The following OSBPL3 variants were observed in gnomAD, a reference collection of about 807,000 sequenced individuals.
The protein encoded by OSBPL3 is oxysterol binding protein like 3.
OSBPL3 carries 65 observed loss-of-function variants against 120.1 expected under a neutral mutation model. That is an observed-to-expected ratio of 0.54 (90% confidence interval 0.44 to 0.67). The LOEUF (loss-of-function observed/expected upper bound fraction) is 0.67. OSBPL3 is among the 30% of genes least tolerant of loss of function. OSBPL3 has a pLI of 0.00. For synonymous variants in OSBPL3, 416 were observed against 402.6 expected (o/e 1.03, Z -0.40); for missense variants, 1,004 against 1,082.1 (o/e 0.93, Z 1.01).
chr7:24,941,099 G>A lies in OSBPL3; in HGVS notation c.-150+38787C>T, dbSNP rs548748871. Among the ~76,000 whole-genome samples, 6 of 152,314 alleles carry A rather than the reference G, an allele frequency of 3.9e-5. No individual in the cohort carries two copies. The East Asian group carries it at 5.8e-4, about 15-fold the overall frequency. On this transcript the variant is annotated intron_variant, in intron 1 of 22. Coordinates refer to ENST00000313367, the MANE Select transcript of OSBPL3 (RefSeq NM_015550.4). Reference sequence around the variant, plus strand: ...CTCCCAAAGTGCTGGGATTACAGGCGTGAGCCACCGCACCCGGCCAACATT... The same window carrying A: ...CTCCCAAAGTGCTGGGATTACAGGCATGAGCCACCGCACCCGGCCAACATT...
At chr7:24,903,548 C>T (rs1807380664) in intron 1 of OSBPL3, among the ~76,000 whole-genome samples, 1 of 152,244 alleles carries the variant, frequency 6.6e-6, no homozygotes, top group Non-Finnish European at 1.5e-5. Flanking sequence ...ATGCTATTGA[C>T]TCAGATCTTG....
chr7:24,943,591 G>A (rs1464312224), intron 1 of OSBPL3, among the ~76,000 whole-genome samples: 1 of 152,112 alleles, frequency 6.6e-6, no homozygotes, highest in African/African-American at 2.4e-5. Flanking sequence ...TAAGATCAGA[G>A]TTAACACTAT....
intron 19 of OSBPL3, among the ~76,000 whole-genome samples, chr7:24,810,961 C>T (rs936255493): frequency 1.3e-5 from 2 of 152,194 alleles, no homozygotes; most frequent in Non-Finnish European, 1.5e-5. Flanking sequence ...CCTATCTTGG[C>T]CATTATGAAT....
Position 24,935,372 on chromosome 7 carries a change from A to AT in OSBPL3, c.-149-42752dup, listed in dbSNP as rs779446909. On this transcript the variant is annotated intron_variant, in intron 1 of 22. Coordinates refer to ENST00000313367, the MANE Select transcript of OSBPL3 (RefSeq NM_015550.4). ...ACAGAACTTACTCAGAAACTCACCA[A>AT]TTTTTACATGTACTCACTTTGTGTG... Among the ~76,000 whole-genome samples, 183 of 152,194 alleles carry AT rather than the reference A, an allele frequency of 1.2e-3. 1 individual carries two copies. The highest frequency in any genetic ancestry group is 1.9e-3 in the Non-Finnish European group (127 of 67,984).
rs1349876225 is a variant in OSBPL3 at position 24,959,818 on chromosome 7, G to A, written c.-150+20068C>T. Reference sequence around the variant, plus strand: ...TATCGGCCACTTGTAAAACCCAGCTGACCTGGACTGGTTTGACCAAAGAGC... The same window carrying A: ...TATCGGCCACTTGTAAAACCCAGCTAACCTGGACTGGTTTGACCAAAGAGC... On this transcript the variant is annotated intron_variant, in intron 1 of 22. Coordinates refer to ENST00000313367, the MANE Select transcript of OSBPL3 (RefSeq NM_015550.4). This position sits in a 1 kb window ranked among gnomAD's most constrained non-coding sequence, Gnocchi z 4.3. Among the ~76,000 whole-genome samples the A allele has an allele frequency of 6.6e-6, 1 of 152,134 alleles. No individual in the cohort carries two copies. The highest frequency in any genetic ancestry group is 1.9e-4 in the East Asian group (1 of 5,198).
intron 2 of OSBPL3, among the ~76,000 whole-genome samples, chr7:24,887,176 C>T (rs1804647618): frequency 6.6e-6 from 1 of 152,044 alleles, no homozygotes; most frequent in Non-Finnish European, 1.5e-5. Context: ...GGAGCCAAAA[C>T]CTGGGATGAG....
intron 1 of OSBPL3, among the ~76,000 whole-genome samples, chr7:24,945,394 G>A (rs1166879593): frequency 6.6e-6 from 1 of 152,146 alleles, no homozygotes; most frequent in African/African-American, 2.4e-5. Context: ...AGTGACACCA[G>A]GTATTGATAT....
At position 24,966,820 on chromosome 7, in the gene OSBPL3, G is replaced by A. The variant is rs531202431; in HGVS notation, c.-150+13066C>T. ...AGAGGCTGGGCTTGTTGTGCCTCAT[G>A]AGGCTGATCATTATTTCCCAGGCAA... On this transcript the variant is annotated intron_variant, in intron 1 of 22. Coordinates refer to ENST00000313367, the MANE Select transcript of OSBPL3 (RefSeq NM_015550.4). The surrounding 1 kb of genome is among the most constrained non-coding windows in gnomAD (Gnocchi z 4.8). Among the ~76,000 whole-genome samples, 4 of 152,350 alleles carry A rather than the reference G, an allele frequency of 2.6e-5. No individual in the cohort carries two copies. The highest frequency in any genetic ancestry group is 3.9e-4 in the East Asian group (2 of 5,184).
chr7:24,879,201 G>T lies in OSBPL3; in HGVS notation c.97-7132C>A, dbSNP rs1370639665. 6.6e-6 allele frequency among the ~76,000 whole-genome samples: 1 copy of T among 152,148 alleles called. No individual in the cohort carries two copies. Among genetic ancestry groups the T allele is most frequent in the African/African-American group, 2.4e-5 (1 of 41,446 alleles). On this transcript the variant is annotated intron_variant, in intron 2 of 22. Transcript: ENST00000313367. This position sits in a 1 kb window ranked among gnomAD's most constrained non-coding sequence, Gnocchi z 5.6. ...CTGGCAGGGAGTTTAGAACAAGTGAGCTATGAGATCCTTTCTAAATCTTCT... is the reference window on the plus strand; with the variant it reads ...CTGGCAGGGAGTTTAGAACAAGTGATCTATGAGATCCTTTCTAAATCTTCT...
intron 1 of OSBPL3, among the ~76,000 whole-genome samples, chr7:24,910,852 C>T (rs1026821112): frequency 3.3e-5 from 5 of 152,142 alleles, no homozygotes; most frequent in South Asian, 2.1e-4. Flanking sequence ...TGAGCTGGGT[C>T]GGGAGGGGCA....
chr7:24,919,917 A>G (rs972978684), intron 1 of OSBPL3, among the ~76,000 whole-genome samples: 2 of 152,030 alleles, frequency 1.3e-5, no homozygotes, highest in Admixed American at 6.6e-5. Context: ...AAGATGCTCA[A>G]TGTCATTAAC....
intron 2 of OSBPL3, among the ~76,000 whole-genome samples, chr7:24,880,318 G>A (rs907373235): frequency 1.3e-5 from 2 of 152,130 alleles, no homozygotes; most frequent in Non-Finnish European, 2.9e-5. Context: ...TCGCAGCTGA[G>A]TGTCCACTGT....
intron 2 of OSBPL3, among the ~76,000 whole-genome samples, chr7:24,884,562 G>A (rs945594642): frequency 2.0e-5 from 3 of 152,152 alleles, no homozygotes; most frequent in African/African-American, 7.2e-5. Context: ...CCACCTCCCA[G>A]CTGAAAAGAT....
At chr7:24,980,403 C>T (rs931585650), upstream of OSBPL3, among the ~76,000 whole-genome samples, 2 of 152,054 alleles carry the variant, frequency 1.3e-5, no homozygotes, top group African/African-American at 4.8e-5. Context: ...ACCCCGGATT[C>T]CGGATGGGTT....
At chr7:24,979,220 G>C (rs1817917201) in intron 1 of OSBPL3, among the ~76,000 whole-genome samples, 1 of 152,094 alleles carries the variant, frequency 6.6e-6, no homozygotes, top group Non-Finnish European at 1.5e-5. Context: ...AAGGACCAAT[G>C]TGAGAGACAC....
chr7:24,953,115 C>T lies in OSBPL3; in HGVS notation c.-150+26771G>A, dbSNP rs372536625. ...TCACACCACTGTGCTCCAGCCTGGA[C>T]GACAGAGTGAGACCCCGTCTCTAAA... On this transcript the variant is annotated intron_variant, in intron 1 of 22. Transcript: ENST00000313367. The surrounding 1 kb of genome is among the most constrained non-coding windows in gnomAD (Gnocchi z 4.3). 7.2e-5 allele frequency among the ~76,000 whole-genome samples: 11 copies of T among 152,124 alleles called. No homozygotes were observed. Among genetic ancestry groups the T allele is most frequent in the African/African-American group, 1.9e-4 (8 of 41,424 alleles).
intron 14 of OSBPL3, among the ~76,000 whole-genome samples, chr7:24,836,205 C>T (rs1283534366): frequency 6.6e-6 from 1 of 152,148 alleles, no homozygotes; most frequent in Non-Finnish European, 1.5e-5. Context: ...GATCAGACTG[C>T]TTTTCAAAAA....
chr7:24,954,594 G>T (rs1814822269), intron 1 of OSBPL3, among the ~76,000 whole-genome samples: 1 of 152,146 alleles, frequency 6.6e-6, no homozygotes, highest in Non-Finnish European at 1.5e-5. Context: ...AAAGGTGTGG[G>T]GACAGAGGGG....
At position 24,946,345 on chromosome 7, in the gene OSBPL3, T is replaced by C. The variant is rs1406108133; in HGVS notation, c.-150+33541A>G. Among the ~76,000 whole-genome samples, 3 of 152,190 alleles carry C rather than the reference T, an allele frequency of 2.0e-5. No individual in the cohort carries two copies. Among genetic ancestry groups the C allele is most frequent in the African/African-American group, 7.2e-5 (3 of 41,442 alleles). Reference sequence around the variant, plus strand: ...AGCGTTATTTTTGCCGTACTTTTATTGGTTGGAGCAGACACAAACCAACTC... The same window carrying C: ...AGCGTTATTTTTGCCGTACTTTTATCGGTTGGAGCAGACACAAACCAACTC... On this transcript the variant is annotated intron_variant, in intron 1 of 22. Transcript: ENST00000313367. The surrounding 1 kb of genome is among the most constrained non-coding windows in gnomAD (Gnocchi z 4.3).
Sources: gnomAD v4.1 joint callset for allele counts (sites outside exome capture counted in the v4.1 genomes callset) on GRCh38, gnomAD v4.1.1 for gene constraint, Gnocchi (gnomAD v3.1) non-coding constraint, MANE v1.5 for transcripts, NCBI Gene and HGNC (gene_info 2026-07-23, HGNC 2026-07-21) for gene names.